ATP2B3: variants seen among roughly 807,000 people sequenced by gnomAD.
The protein encoded by ATP2B3 is plasma membrane calcium-transporting ATPase 3.
In ATP2B3, 12 loss-of-function variants were observed where a neutral mutation model predicts 70.8. The ratio of observed to expected loss-of-function variants is 0.17; its 90% confidence interval spans 0.11 to 0.27. ATP2B3 has a LOEUF of 0.27. Among genes scored for constraint, ATP2B3 ranks in the 10% least tolerant of loss-of-function variants. The pLI is 1.00. For synonymous variants in ATP2B3, 460 were observed against 497.8 expected, an observed-to-expected ratio of 0.92 and a Z score of 1.01; for missense variants, 858 against 1,118.5, an observed-to-expected ratio of 0.77 and a Z score of 3.32.
At chrX:153,519,861 G>A (rs1333582852) in intron 2 of ATP2B3, among the ~76,000 whole-genome samples, 1 of 112,580 alleles carries the variant, frequency 8.9e-6, no homozygotes, top group East Asian at 2.8e-4. Flanking sequence ...AGGGCCAGAA[G>A]GAGAGCCGGT....
chrX:153,540,687 G>A (rs183087011), intron 3 of ATP2B3, among the ~76,000 whole-genome samples: 270 of 112,670 alleles, frequency 2.4e-3, no homozygotes, highest in African/African-American at 8.4e-3. Context: ...TTTGGGACCG[G>A]CTGGCCCCAT....
Position 153,547,827 on chromosome X carries a change from G to C in ATP2B3, c.959-8G>C, listed in dbSNP as rs2090392404. On this transcript the variant is annotated splice_region_variant and splice_polypyrimidine_tract_variant and intron_variant, in intron 8 of 21. Coordinates refer to ENST00000263519, the MANE Select transcript of ATP2B3 (RefSeq NM_001001344.3). Reference sequence around the variant, plus strand: ...CTGACCTTGGCCATGGGGTTCCTCTGTGTGCAGCTAAGAAGCAGGATGGTG... The same window carrying C: ...CTGACCTTGGCCATGGGGTTCCTCTCTGTGCAGCTAAGAAGCAGGATGGTG... 1 of 1,182,865 alleles carries C rather than the reference G, an allele frequency of 8.5e-7. No individual in the cohort carries two copies. Among genetic ancestry groups the C allele is most frequent in the Admixed American group, 2.3e-5 (1 of 43,880 alleles).
intron 8 of ATP2B3, 124 bp from the exon 9 acceptor site, chrX:153,547,711 G>C (rs2090390555): frequency 1.2e-6 from 1 of 852,556 alleles, no homozygotes; most frequent in Admixed American, 4.1e-5. Context: ...TTGGAAATAG[G>C]AGAGCTCCAC....
Position 153,581,215 on chromosome X carries a change from A to C in ATP2B3, c.*917A>C, listed in dbSNP as rs2090919733. 1 of 110,511 alleles carries C rather than the reference A, an allele frequency of 9.0e-6. No individual in the cohort carries two copies. Among genetic ancestry groups the C allele is most frequent in the African/African-American group, 3.3e-5 (1 of 30,191 alleles). 9.1% of individuals were successfully genotyped at this position (110,511 alleles called of 1,213,427 possible). A position where few individuals can be genotyped will look rare whatever the true frequency, so the allele number is the denominator to read the frequency against. On this transcript the variant is annotated 3_prime_UTR_variant, in exon 22 of 22. Transcript: ENST00000263519. ...GGCCCTACTGAGATTCCCAAGGAGA[A>C]GGCCGAGAGGGGGCGCTCCAGGTCT...
At chrX:153,520,251 T>A (rs2089939275) in intron 2 of ATP2B3, among the ~76,000 whole-genome samples, 1 of 112,649 alleles carries the variant, frequency 8.9e-6, no homozygotes, top group Admixed American at 9.3e-5. Flanking sequence ...TGAGAATGTC[T>A]TGTGGAAAGG....
At chrX:153,571,199 C>T (rs2090784730) in intron 21 of ATP2B3, among the ~76,000 whole-genome samples, 1 of 112,365 alleles carries the variant, frequency 8.9e-6, no homozygotes, top group Non-Finnish European at 1.9e-5. Flanking sequence ...GGGGCCTCGC[C>T]GCCACTCCAC....
intron 8 of ATP2B3, 152 bp from the exon 9 acceptor site, chrX:153,547,683 G>A: frequency 2.8e-6 from 2 of 714,166 alleles, no homozygotes; most frequent in Non-Finnish European, 1.9e-6. Flanking sequence ...GGAGGCGAGA[G>A]AAGGGAAGCT....
chrX:153,557,052 C>T (rs2090549583), intron 16 of ATP2B3, 29 bp downstream of exon 16: 1 of 1,132,144 alleles, frequency 8.8e-7, no homozygotes, highest in Middle Eastern at 2.5e-4. Context: ...GCCCAGCTCA[C>T]CACGGCAGAT....
intron 2 of ATP2B3, chrX:153,532,812 A>G (rs1392108827): frequency 8.9e-6 from 1 of 112,302 alleles, no homozygotes; most frequent in African/African-American, 3.2e-5. Context: ...TGATAGGCCT[A>G]GTCACTTCGG....
At chrX:153,520,218 G>A (rs140911703) in intron 2 of ATP2B3, among the ~76,000 whole-genome samples, 5,763 of 112,586 alleles carry the variant, frequency 0.051, 157 homozygotes, top group Middle Eastern at 0.088. Flanking sequence ...ACGGAGTGCC[G>A]GGGTCAGCCG....
At chrX:153,575,356 GAGC>G (rs1224636753) in intron 21 of ATP2B3, among the ~76,000 whole-genome samples, 1 of 112,801 alleles carries the variant, frequency 8.9e-6, no homozygotes, top group Non-Finnish European at 1.9e-5. Context: ...TTGAAGGAAG[GAGC>G]AGAAGTGGGC....
At chrX:153,527,285 A>C (rs2090048773) in intron 2 of ATP2B3, among the ~76,000 whole-genome samples, 1 of 112,229 alleles carries the variant, frequency 8.9e-6, no homozygotes, top group Non-Finnish European at 1.9e-5. Context: ...CCCAAACACG[A>C]GGTCTCCGTC....
chrX:153,545,656 G>A (rs782019538), intron 7 of ATP2B3, among the ~76,000 whole-genome samples: 7 of 112,668 alleles, frequency 6.2e-5, no homozygotes, highest in Middle Eastern at 4.2e-3. Flanking sequence ...GGACGTGACT[G>A]CAGGGAAAAC....
At chrX:153,529,593 C>T (rs782797982) in intron 2 of ATP2B3, among the ~76,000 whole-genome samples, 4 of 112,010 alleles carry the variant, frequency 3.6e-5, no homozygotes, top group Non-Finnish European at 7.5e-5. Context: ...CCACGTTCAC[C>T]ATTTTTAAGT....
At chrX:153,558,042 G>A (rs1200993620) in intron 16 of ATP2B3, 70 bp from the exon 17 acceptor site, 1 of 1,089,314 alleles carries the variant, frequency 9.2e-7, no homozygotes, top group Non-Finnish European at 1.2e-6. Context: ...AGGCGGGCCA[G>A]GTGATCAAGG....
At chrX:153,562,863 G>A (rs1204707980) in intron 20 of ATP2B3, among the ~76,000 whole-genome samples, 1 of 112,476 alleles carries the variant, frequency 8.9e-6, no homozygotes, top group Non-Finnish European at 1.9e-5. Flanking sequence ...GATATCCAAG[G>A]CCAGGGAGCC....
Position 153,560,906 on chromosome X carries a change from C to T in ATP2B3, c.3051+19C>T, listed in dbSNP as rs907013010. On this transcript the variant is annotated intron_variant, in intron 19 of 21. Coordinates refer to ENST00000263519, the MANE Select transcript of ATP2B3 (RefSeq NM_001001344.3). ...GATTCAGGTAGGAGGGGCGGCTCCA[C>T]TCTTGGCCTCTGCCACTTGCAAAAA... The T allele has an allele frequency of 5.0e-6, 6 of 1,207,220 alleles. No homozygotes were observed. Among genetic ancestry groups the T allele is most frequent in the African/African-American group, 3.5e-5 (2 of 57,075 alleles).
chrX:153,519,052 T>C (rs1257904573), intron 2 of ATP2B3, among the ~76,000 whole-genome samples: 1 of 111,835 alleles, frequency 8.9e-6, no homozygotes, highest in Non-Finnish European at 1.9e-5. Context: ...CACTAGGATC[T>C]GTGCCCTCAC....
intron 19 of ATP2B3, 115 bp downstream of exon 19, chrX:153,561,002 G>C: frequency 1.1e-6 from 1 of 872,958 alleles, no homozygotes; most frequent in Non-Finnish European, 1.6e-6. Context: ...CTCCCAGAAG[G>C]AGCCCCACCC....
Sources: gnomAD v4.1 joint callset for allele counts (sites outside exome capture counted in the v4.1 genomes callset) on GRCh38, gnomAD v4.1.1 for gene constraint, MANE v1.5 for transcripts, NCBI Gene and HGNC (gene_info 2026-07-23, HGNC 2026-07-21) for gene names.